The following ADAMTS8 variants were observed in gnomAD, a reference collection of about 807,000 sequenced individuals.
ADAMTS8 encodes A disintegrin and metalloproteinase with thrombospondin motifs 8.
Under a neutral mutation model 64.4 loss-of-function variants are expected in ADAMTS8, and 50 were observed. The observed-to-expected ratio is 0.78, with a 90% CI of 0.62 to 0.98. ADAMTS8 has a LOEUF of 0.98. Among genes scored for constraint, ADAMTS8 ranks in the 50% least tolerant of loss-of-function variants. The pLI, the probability that ADAMTS8 is intolerant of heterozygous loss-of-function variation, is 0.00. For missense variants in ADAMTS8, 1,192 were observed against 1,208.2 expected (o/e 0.99, Z 0.20); for synonymous variants, 556 against 533.6 (o/e 1.04, Z -0.58).
chr11:130,405,505 G>T lies in ADAMTS8; in HGVS notation c.*53C>A. The T allele has an allele frequency of 6.5e-7, 1 of 1,530,616 alleles. No homozygotes were observed. The allele number at this position is 1,530,616 out of a possible 1,614,324, so 94.8% of individuals were successfully genotyped here. On this transcript the variant is annotated 3_prime_UTR_variant, in exon 9 of 9. Coordinates refer to ENST00000257359, the MANE Select transcript of ADAMTS8 (RefSeq NM_007037.6). The stretch of plus-strand genomic sequence containing the variant: ...GTCACCACAGTGGAGACCCTTGTCT[G>T]CACCTCAGTACCGCATGTCCAGGAG...
rs200166236 is a variant in ADAMTS8, at chr11:130,427,618, C to G, written c.669G>C (p.Thr223=). The G allele has an allele frequency of 6.4e-7, 1 of 1,556,320 alleles. No homozygotes were observed. The highest frequency in any genetic ancestry group is 2.4e-5 in the East Asian group (1 of 41,800). ...RFVSEARFVE[T]LLVADASMAA... Reference sequence around the variant, plus strand: ...CCATGGACGCATCGGCCACCAGCAGCGTCTCCACGAAGCGCGCCTCAGACA... The same window carrying G: ...CCATGGACGCATCGGCCACCAGCAGGGTCTCCACGAAGCGCGCCTCAGACA... The change falls in exon 1 of 9, where the codon ACG becomes ACC. Residue 223 remains threonine (T), a synonymous_variant. Transcript: ENST00000257359.
rs1477487576 is a variant in ADAMTS8, at chr11:130,414,691, T to A, written c.1406A>T (p.Gln469Leu). The change falls in exon 5 of 9, where the codon CAG (glutamine) becomes CTG (leucine). Residue 469 changes from glutamine (Q) to leucine (L), a missense_variant. Gln to Leu is a moderately radical substitution (Grantham distance 113). Around this residue, in one of 5 missense-constraint regions of ADAMTS8, gnomAD observed 741 missense variants for 710.6 expected, o/e 1.04. Transcript: ENST00000257359. Reference sequence around the variant, plus strand: ...GCACCAAAGCTGGGCGCAGACGTCCTGAGCAGAGGTGTTGGGGCAGTGGCG... The same window carrying A: ...GCACCAAAGCTGGGCGCAGACGTCCAGAGCAGAGGTGTTGGGGCAGTGGCG... Reference protein sequence around the residue: ...DFRHCPNTSAQDVCAQLWCHT... With the variant: ...DFRHCPNTSALDVCAQLWCHT... The A allele has an allele frequency of 6.2e-7, 1 of 1,613,862 alleles. No individual in the cohort carries two copies.
At chr11:130,427,440 A>T (rs960360279) in intron 1 of ADAMTS8, 127 bp downstream of exon 1, 170 of 1,075,868 alleles carry the variant, frequency 1.6e-4, no homozygotes, top group Middle Eastern at 3.1e-4. Flanking sequence ...GGAGAAGATG[A>T]GTGGGGAGGG....
chr11:130,407,478 CAG>C (rs1861898510), intron 8 of ADAMTS8, among the ~76,000 whole-genome samples: 6 of 152,134 alleles, frequency 3.9e-5, no homozygotes, highest in Non-Finnish European at 7.4e-5. Flanking sequence ...GACAGACAGA[CAG>C]ACAGACACAC....
chr11:130,405,624 G>A lies in ADAMTS8; in HGVS notation c.2604C>T (p.Ala868=). The A allele has an allele frequency of 1.2e-6, 2 of 1,613,264 alleles. No individual in the cohort carries two copies. Among genetic ancestry groups the A allele is most frequent in the South Asian group, 1.1e-5 (1 of 91,046 alleles). ...ECRDPSGQAS[A]TCNKALKPED... ...CGGGTTTCAGAGCCTTGTTGCAGGT[G>A]GCAGAGGCCTGGCCGGAGGGGTCCC... The change falls in exon 9 of 9, where the codon GCC becomes GCT. Residue 868 remains alanine, a synonymous_variant. Transcript: ENST00000257359.
chr11:130,410,937 G>T (rs897985747), intron 6 of ADAMTS8, among the ~76,000 whole-genome samples: 2 of 152,166 alleles, frequency 1.3e-5, no homozygotes, highest in East Asian at 3.9e-4. Context: ...TCCTCCCTCT[G>T]CCCTGGGCTG....
Position 130,416,615 on chromosome 11 carries a change from C to A in ADAMTS8, c.1097-285G>T, listed in dbSNP as rs897727690. Among the ~76,000 whole-genome samples the A allele has an allele frequency of 6.6e-6, 1 of 152,202 alleles. No individual in the cohort carries two copies. The stretch of plus-strand genomic sequence containing the variant: ...AGTCCCTGGACCATTGTTCTTCCCC[C>A]AGATCCCACGGCTTAGCTTGTGCAC... On this transcript the variant is annotated intron_variant, in intron 3 of 8. Transcript: ENST00000257359. The surrounding 1 kb of genome is among the most constrained non-coding windows in gnomAD (Gnocchi z 4.8).
At chr11:130,410,785 G>A (rs1861942445) in intron 6 of ADAMTS8, among the ~76,000 whole-genome samples, 1 of 152,188 alleles carries the variant, frequency 6.6e-6, no homozygotes, top group Non-Finnish European at 1.5e-5. Context: ...GTTTCCAGCA[G>A]GTACTGGGGA....
chr11:130,426,521 G>A (rs1353746568), intron 1 of ADAMTS8, among the ~76,000 whole-genome samples: 1 of 152,158 alleles, frequency 6.6e-6, no homozygotes, highest in Non-Finnish European at 1.5e-5. Flanking sequence ...TTCCTTCCCT[G>A]GCACATCTCT....
Position 130,411,416 on chromosome 11 carries a change from C to T in ADAMTS8, c.1750+1G>A. 1.9e-6 allele frequency: 3 copies of T among 1,613,352 alleles called. No individual in the cohort carries two copies. Among genetic ancestry groups the T allele is most frequent in the South Asian group, 2.2e-5 (2 of 90,972 alleles). On this transcript the variant is annotated splice_donor_variant, in intron 6 of 8. Transcript: ENST00000257359. LOFTEE classifies it high-confidence loss of function. This position sits in a 1 kb window ranked among gnomAD's most constrained non-coding sequence, Gnocchi z 4.2. ...CAGGGGCGGCCCTGAGTGGTAATTA[C>T]CGTCAGGGGGGCATTCCTCCGTGTG...
At chr11:130,413,793 G>A (rs184668663) in intron 5 of ADAMTS8, among the ~76,000 whole-genome samples, 5 of 152,124 alleles carry the variant, frequency 3.3e-5, no homozygotes, top group Admixed American at 6.5e-5. Context: ...GTTCAAGCAC[G>A]GGCAGGCTAT....
At position 130,411,894 on chromosome 11, in the gene ADAMTS8, T is replaced by A; in HGVS notation, c.1567-294A>T. The A allele has an allele frequency of 2.5e-6, 1 of 408,040 alleles. No individual in the cohort carries two copies. Among genetic ancestry groups the A allele is most frequent in the Non-Finnish European group, 4.4e-6 (1 of 225,268 alleles). The allele number at this position is 408,040 out of a possible 1,614,324, so 25.3% of individuals were successfully genotyped here. ...GCTGAATGAATGAATGACACCCTTT[T>A]ATGGGAATAAGGTTGCATATAATGC... On this transcript the variant is annotated intron_variant, in intron 5 of 8. Coordinates refer to ENST00000257359, the MANE Select transcript of ADAMTS8 (RefSeq NM_007037.6). The surrounding 1 kb of genome is among the most constrained non-coding windows in gnomAD (Gnocchi z 4.2).
In ADAMTS8 at chr11:130,422,503, G is replaced by C. The variant is rs1011910945; in HGVS notation, c.721-3211C>G. 2.2e-4 allele frequency among the ~76,000 whole-genome samples: 34 copies of C among 152,126 alleles called. 1 individual carries two copies. Among genetic ancestry groups the C allele is most frequent in the Admixed American group, 1.3e-3 (20 of 15,274 alleles). Reference sequence around the variant, plus strand: ...ACAGCTTTCCCTTGCGGCGCGCCTGGGGGGAGGTCAGGTGAGGAAAAGTGG... The same window carrying C: ...ACAGCTTTCCCTTGCGGCGCGCCTGCGGGGAGGTCAGGTGAGGAAAAGTGG... On this transcript the variant is annotated intron_variant, in intron 1 of 8. Coordinates refer to ENST00000257359, the MANE Select transcript of ADAMTS8 (RefSeq NM_007037.6).
In ADAMTS8 at chr11:130,411,280, G is replaced by T; in HGVS notation, c.1750+137C>A. 9.4e-7 allele frequency: 1 copy of T among 1,062,880 alleles called. No homozygotes were observed. The highest frequency in any genetic ancestry group is 1.6e-5 in the African/African-American group (1 of 62,434). 65.8% of individuals were successfully genotyped at this position (1,062,880 alleles called of 1,614,324 possible). On this transcript the variant is annotated intron_variant, in intron 6 of 8. Transcript: ENST00000257359. This position sits in a 1 kb window ranked among gnomAD's most constrained non-coding sequence, Gnocchi z 4.2. ...ACAGGCAAAACTCTACATCCCAGGAGACCCAATTTACTCCCCTCTGGGAGT... is the reference window on the plus strand; with the variant it reads ...ACAGGCAAAACTCTACATCCCAGGATACCCAATTTACTCCCCTCTGGGAGT...
In ADAMTS8 at chr11:130,427,994, C is replaced by A. The variant is rs1862198095; in HGVS notation, c.293G>T (p.Arg98Leu). Residue 98 changes from arginine to leucine, a missense_variant, in exon 1 of 9, where the codon CGC (arginine) becomes CTC (leucine). By Grantham distance (102) the Arg-to-Leu change is moderately radical. Transcript: ENST00000257359. Reference sequence around the variant, plus strand: ...CACGGTGCCGGAGAAGAAGCAGCCGCGCAGCCCCCGCTCGCCCCCGGTCGC... The same window carrying A: ...CACGGTGCCGGAGAAGAAGCAGCCGAGCAGCCCCCGCTCGCCCCCGGTCGC... ...GRATGGERGL[R>L]GCFFSGTVNG... The A allele has an allele frequency of 6.5e-7, 1 of 1,528,236 alleles. No homozygotes were observed. Among genetic ancestry groups the A allele is most frequent in the Non-Finnish European group, 8.7e-7 (1 of 1,144,060 alleles). 94.7% of individuals were successfully genotyped at this position (1,528,236 alleles called of 1,614,324 possible).
chr11:130,423,236 T>A (rs1244412025), intron 1 of ADAMTS8, among the ~76,000 whole-genome samples: 2 of 152,196 alleles, frequency 1.3e-5, no homozygotes, highest in Non-Finnish European at 2.9e-5. Flanking sequence ...GAAGGGGCGA[T>A]CTTTGGACAC....
At chr11:130,421,540 G>A (rs1462302963) in intron 1 of ADAMTS8, among the ~76,000 whole-genome samples, 2 of 152,188 alleles carry the variant, frequency 1.3e-5, no homozygotes, top group African/African-American at 2.4e-5. Context: ...AGGCTAGGAG[G>A]ATTCTGTGGT....
At chr11:130,423,679 C>T (rs558204604) in intron 1 of ADAMTS8, among the ~76,000 whole-genome samples, 2 of 152,330 alleles carry the variant, frequency 1.3e-5, no homozygotes, top group East Asian at 1.9e-4. Flanking sequence ...ACTTTTCGGA[C>T]CCTCTCTGCT....
At position 130,416,171 on chromosome 11, in the gene ADAMTS8, C is replaced by T. The variant is rs549538850; in HGVS notation, c.1256G>A (p.Gly419Asp). 7.4e-5 allele frequency: 117 copies of T among 1,581,416 alleles called. No homozygotes were observed. The highest frequency in any genetic ancestry group is 5.4e-4 in the South Asian group (47 of 87,086). ...SAMYLTELLDGGHGDCLLDAP... is the reference protein window; with the variant it reads ...SAMYLTELLDDGHGDCLLDAP... ...GGGCCGCCGGTGCCTACCGTGCCCG[C>T]CGTCCAGAAGCTCTGTGAGATACAT... The change falls in exon 4 of 9, where the codon GGC (glycine) becomes GAC (aspartate). Residue 419 changes from glycine to aspartate, a missense_variant. By Grantham distance (94) the Gly-to-Asp change is moderately conservative (BLOSUM62 -1). This residue lies in a region of ADAMTS8 where 741 missense variants were observed against 710.6 expected (regional missense o/e 1.04). Coordinates refer to ENST00000257359, the MANE Select transcript of ADAMTS8 (RefSeq NM_007037.6). The surrounding 1 kb of genome is among the most constrained non-coding windows in gnomAD (Gnocchi z 4.8).
Sources: gnomAD v4.1 joint callset for allele counts (sites outside exome capture counted in the v4.1 genomes callset) on GRCh38, gnomAD v4.1.1 for gene constraint, gnomAD v4.1.1 regional missense constraint, Gnocchi (gnomAD v3.1) non-coding constraint, MANE v1.5 for transcripts, NCBI Gene and HGNC (gene_info 2026-07-23, HGNC 2026-07-21) for gene names.